The following MACF1 variants were observed in gnomAD, a reference collection of about 807,000 sequenced individuals.
MACF1 encodes the protein microtubule actin crosslinking factor 1.
Under a neutral mutation model 854.8 loss-of-function variants are expected in MACF1, and 193 were observed. The observed-to-expected ratio is 0.23, with a 90% CI of 0.20 to 0.25. The LOEUF (loss-of-function observed/expected upper bound fraction) is 0.25. MACF1 is among the 10% of genes least tolerant of loss of function. The probability of loss-of-function intolerance (pLI) is 1.00; values close to 1 mark genes in which losing one functional copy is unlikely to be tolerated. For synonymous variants in MACF1, 3,185 were observed against 3,226.7 expected (o/e 0.99, Z 0.44); for missense variants, 7,722 against 8,929.1 (o/e 0.86, Z 5.45).
intron 19 of MACF1, among the ~76,000 whole-genome samples, chr1:39,295,529 T>G (rs941363282): frequency 3.3e-5 from 5 of 152,182 alleles, no homozygotes; most frequent in African/African-American, 1.2e-4. Context: ...ATGCCTGGGT[T>G]TTGCTGCCTA....
At chr1:39,213,101 T>C (rs915554545) in intron 1 of MACF1, among the ~76,000 whole-genome samples, 5 of 152,246 alleles carry the variant, frequency 3.3e-5, no homozygotes, top group Middle Eastern at 3.2e-3. Context: ...GTCAAGTTAT[T>C]TAACCTTTTA....
chr1:39,248,229 G>A (rs78030631), intron 2 of MACF1, among the ~76,000 whole-genome samples: 1,799 of 151,862 alleles, frequency 0.012, 33 homozygotes, highest in African/African-American at 0.04. Context: ...TCCAAGTCCC[G>A]TTTCTTCGAG....
intron 33 of MACF1, among the ~76,000 whole-genome samples, chr1:39,323,538 TG>T (rs1646551864): frequency 6.6e-6 from 1 of 151,736 alleles, no homozygotes; most frequent in Non-Finnish European, 1.5e-5. Flanking sequence ...AACAAAACTG[TG>T]TACTACAAAG....
intron 6 of MACF1, among the ~76,000 whole-genome samples, chr1:39,273,259 C>A (rs1645363732): frequency 6.6e-6 from 1 of 151,178 alleles, no homozygotes. Flanking sequence ...GCCTCAGCCT[C>A]CCGAGTAACT....
intron 2 of MACF1, among the ~76,000 whole-genome samples, chr1:39,112,244 G>A (rs545351457): frequency 2.0e-5 from 3 of 151,762 alleles, no homozygotes; most frequent in South Asian, 2.1e-4. Flanking sequence ...ATGCCACCAC[G>A]CCCAGCTAAT....
chr1:39,308,059 C>G (rs1646226584), intron 23 of MACF1, among the ~76,000 whole-genome samples: 1 of 151,694 alleles, frequency 6.6e-6, no homozygotes, highest in Admixed American at 6.6e-5. Context: ...CATCTGCCAC[C>G]ACGCCTAGCT....
At chr1:39,442,102 T>A (rs775492983) in intron 75 of MACF1, 45 bp from the exon 76 acceptor site, 18 of 1,593,556 alleles carry the variant, frequency 1.1e-5, no homozygotes, top group Non-Finnish European at 1.4e-5. Context: ...TATTATAGTT[T>A]TTAAAGGCTT....
chr1:39,232,932 A>G (rs1237112091), intron 2 of MACF1, among the ~76,000 whole-genome samples: 1 of 151,874 alleles, frequency 6.6e-6, no homozygotes, highest in African/African-American at 2.4e-5. Context: ...ACAGGCATGC[A>G]CTACCACACC....
rs527862620 is a variant in MACF1, at chr1:39,468,913, G to A, written c.21889+181G>A. The stretch of plus-strand genomic sequence containing the variant: ...TGCCAGCATAGGCCAGGGAGAAAAA[G>A]CTGAAGAGGTTGATGCTATTTGGGG... On this transcript the variant is annotated intron_variant, in intron 96 of 100. Transcript: ENST00000564288. Among the ~76,000 whole-genome samples the A allele has an allele frequency of 2.8e-4, 42 of 152,316 alleles. 1 individual carries two copies. Among genetic ancestry groups the A allele is most frequent in the Admixed American group, 2.7e-3 (42 of 15,312 alleles).
At chr1:39,232,458 A>T (rs975896444) in intron 2 of MACF1, among the ~76,000 whole-genome samples, 1 of 152,058 alleles carries the variant, frequency 6.6e-6, no homozygotes, top group Non-Finnish European at 1.5e-5. Flanking sequence ...TCTTTCCTCT[A>T]TGAATGCCTT....
chr1:39,331,002 T>C (rs1398423093), intron 36 of MACF1: 4 of 575,258 alleles, frequency 7.0e-6, no homozygotes, highest in East Asian at 3.4e-5. Context: ...TTTTTCACCA[T>C]GTTGGTCAGG....
chr1:39,387,381 A>G lies in MACF1; in HGVS notation c.14539A>G (p.Ser4847Gly). Reference protein sequence around the residue: ...EEFQKSLNQHSGSYEVIVAEG... With the variant: ...EEFQKSLNQHGGSYEVIVAEG... ...GTTTCAGAAAAGTCTTAATCAACAC[A>G]GTGGCTCCTATGAGGTGATTGTGGC... is the stretch of plus-strand genomic sequence containing the variant. The change falls in exon 58 of 101, where the codon AGT (serine) becomes GGT (glycine). Residue 4847 changes from serine (S) to glycine (G), a missense_variant. Around this residue, in one of 15 missense-constraint regions of MACF1, gnomAD observed 2,807 missense variants for 3,235.8 expected, o/e 0.87. Coordinates refer to ENST00000564288, the MANE Select transcript of MACF1 (RefSeq NM_001394062.1). 6.2e-7 allele frequency: 1 copy of G among 1,614,204 alleles called. No individual in the cohort carries two copies. The highest frequency in any genetic ancestry group is 8.5e-7 in the Non-Finnish European group (1 of 1,180,028).
chr1:39,378,890 A>G (rs1411305810), intron 53 of MACF1, among the ~76,000 whole-genome samples: 1 of 152,236 alleles, frequency 6.6e-6, no homozygotes, highest in African/African-American at 2.4e-5. Context: ...AAGGAATGGA[A>G]GAATGCTCCA....
chr1:39,288,640 A>T (rs907227560), intron 15 of MACF1, among the ~76,000 whole-genome samples: 4 of 151,930 alleles, frequency 2.6e-5, no homozygotes, highest in African/African-American at 9.7e-5. Flanking sequence ...CTGTATGGAA[A>T]ACTAACCGGG....
chr1:39,286,840 G>A (rs1041096520), intron 14 of MACF1, among the ~76,000 whole-genome samples: 1 of 152,170 alleles, frequency 6.6e-6, no homozygotes, highest in African/African-American at 2.4e-5. Flanking sequence ...AGTTAACACT[G>A]TAATTTGGCA....
rs375091527 is a variant in MACF1 at position 39,361,389 on chromosome 1, G to C, written c.12483G>C (p.Lys4161Asn). The change falls in exon 49 of 101, where the codon AAG (lysine) becomes AAC (asparagine). Residue 4161 changes from lysine (K) to asparagine (N), a missense_variant. Physicochemically the swap from Lys to Asn is moderately conservative, Grantham distance 94. Around this residue, in one of 15 missense-constraint regions of MACF1, gnomAD observed 2,807 missense variants for 3,235.8 expected, o/e 0.87. Transcript: ENST00000564288. ...MKLKQDIARQ[K>N]SSLEATREMV... Reference sequence around the variant, plus strand: ...TGAAGCAGGACATTGCTCGGCAAAAGAGCAGCTTGGAGGCCACCCGTGAGA... The same window carrying C: ...TGAAGCAGGACATTGCTCGGCAAAACAGCAGCTTGGAGGCCACCCGTGAGA... The C allele has an allele frequency of 1.9e-5, 30 of 1,613,580 alleles. No individual in the cohort carries two copies. In the East Asian group the frequency reaches 5.8e-4, roughly 31 times the overall value.
chr1:39,453,634 C>T (rs1213692535), intron 87 of MACF1, 73 bp from the exon 88 acceptor site: 2 of 1,297,916 alleles, frequency 1.5e-6, no homozygotes, highest in African/African-American at 1.5e-5. Context: ...AAATTTATCC[C>T]CCCTCAGTGT....
rs1491230575 is a variant in MACF1 at position 39,296,811 on chromosome 1, A to AAAGAAAGGAAGGAAGGAAGG, written c.2356-806_2356-805insAAAGGAAGGAAGGAAGGAAG. Among the ~76,000 whole-genome samples the AAAGAAAGGAAGGAAGGAAGG allele has an allele frequency of 1.6e-3, 173 of 106,390 alleles. 1 individual carries two copies. The highest frequency in any genetic ancestry group is 8.5e-3 in the African/African-American group (153 of 17,942). 69.8% of individuals were successfully genotyped at this position (106,390 alleles called of 152,430 possible). ...AAGAAAGGAAGGAAGGAAAAGAAAGAAAGGAAGGAAGGAAGGAAGGAAGGA... is the reference window on the plus strand; with the variant it reads ...AAGAAAGGAAGGAAGGAAAAGAAAGAAAGAAAGGAAGGAAGGAAGGAAGGAAGGAAGGAAGGAAGGAAGGA... On this transcript the variant is annotated intron_variant, in intron 20 of 100. Coordinates refer to ENST00000564288, the MANE Select transcript of MACF1 (RefSeq NM_001394062.1).
chr1:39,369,952 C>T, intron 50 of MACF1, 78 bp from the exon 51 acceptor site: 3 of 1,336,368 alleles, frequency 2.2e-6, no homozygotes, highest in Non-Finnish European at 3.1e-6. Flanking sequence ...TGTCTGGAGT[C>T]ACAGAATGAA....
Sources: gnomAD v4.1 joint callset for allele counts (sites outside exome capture counted in the v4.1 genomes callset) on GRCh38, gnomAD v4.1.1 for gene constraint, gnomAD v4.1.1 regional missense constraint, MANE v1.5 for transcripts, NCBI Gene and HGNC (gene_info 2026-07-23, HGNC 2026-07-21) for gene names.